Variants in DENND5B observed in about 807,000 individuals in gnomAD.
The protein encoded by DENND5B is DENN domain containing 5B.
In DENND5B, 34 loss-of-function variants were observed where a neutral mutation model predicts 140.6. That is an observed-to-expected ratio of 0.24 (90% CI 0.18 to 0.32). The LOEUF (loss-of-function observed/expected upper bound fraction) is 0.32. Ranked by LOEUF, DENND5B falls within the 10% of genes least tolerant of loss-of-function variation. DENND5B has a pLI of 1.00. For missense variants in DENND5B, 1,142 were observed against 1,560.2 expected (o/e 0.73, Z 4.52); for synonymous variants, 551 against 562.1 (o/e 0.98, Z 0.28).
At chr12:31,545,226 T>C (rs1423910998) in intron 1 of DENND5B, among the ~76,000 whole-genome samples, 1 of 152,204 alleles carries the variant, frequency 6.6e-6, no homozygotes, top group African/African-American at 2.4e-5. Flanking sequence ...CCTATTTATC[T>C]ATTTTTATTT....
intron 11 of DENND5B, among the ~76,000 whole-genome samples, chr12:31,421,632 C>G (rs1307468758): frequency 6.6e-6 from 1 of 152,176 alleles, no homozygotes; most frequent in Non-Finnish European, 1.5e-5. Context: ...TCACTGCAAC[C>G]TCTGCCTCCC....
At chr12:31,397,908 A>T (rs1283550768) in intron 17 of DENND5B, among the ~76,000 whole-genome samples, 1 of 152,210 alleles carries the variant, frequency 6.6e-6, no homozygotes, top group Non-Finnish European at 1.5e-5. Context: ...TGGGTAACAG[A>T]GTGAAACCTT....
At chr12:31,587,526 C>CTTTTTTTTTTT (rs71460995) in intron 1 of DENND5B, among the ~76,000 whole-genome samples, 2 of 74,948 alleles carry the variant, frequency 2.7e-5, no homozygotes, top group African/African-American at 4.8e-5. Flanking sequence ...CCACAAATAC[C>CTTTTTTTTTTT]TTTTTTTTTT....
chr12:31,461,929 T>C (rs927835820), intron 3 of DENND5B, among the ~76,000 whole-genome samples: 4 of 152,226 alleles, frequency 2.6e-5, no homozygotes, highest in Non-Finnish European at 4.4e-5. Context: ...TGACCAAGCA[T>C]AAACAGGATG....
intron 11 of DENND5B, among the ~76,000 whole-genome samples, chr12:31,419,475 TA>T (rs1942919784): frequency 6.6e-6 from 1 of 151,762 alleles, no homozygotes; most frequent in Non-Finnish European, 1.5e-5. Flanking sequence ...GAACACAAGT[TA>T]AACATTTTAT....
In DENND5B at chr12:31,383,496, G is replaced by C. The variant is rs1163823825; in HGVS notation, c.*4107C>G. 6.6e-6 allele frequency: 1 copy of C among 152,096 alleles called. No individual in the cohort carries two copies. The highest frequency in any genetic ancestry group is 1.5e-5 in the Non-Finnish European group (1 of 68,022). 9.4% of individuals were successfully genotyped at this position (152,096 alleles called of 1,614,324 possible). ...GTTCATTAAAATAATTTTTTAAAAA[G>C]CCATGTGAAAGTAAATACCACAAGG... On this transcript the variant is annotated 3_prime_UTR_variant, in exon 21 of 21. Transcript: ENST00000389082.
intron 4 of DENND5B, among the ~76,000 whole-genome samples, chr12:31,457,764 A>C (rs1486919976): frequency 6.6e-6 from 1 of 150,920 alleles, no homozygotes; most frequent in East Asian, 1.9e-4. Flanking sequence ...CCCAGGCTGG[A>C]GTGCAGTGAT....
At chr12:31,470,745 T>C (rs779184285) in intron 3 of DENND5B, among the ~76,000 whole-genome samples, 4 of 152,172 alleles carry the variant, frequency 2.6e-5, no homozygotes, top group Non-Finnish European at 5.9e-5. Flanking sequence ...GTATCACAAA[T>C]TGACAGGTGT....
chr12:31,572,332 C>A (rs556067376), intron 1 of DENND5B, among the ~76,000 whole-genome samples: 13 of 152,096 alleles, frequency 8.5e-5, no homozygotes, highest in Non-Finnish European at 1.6e-4. Flanking sequence ...AATGCCCCCA[C>A]GCAAACCAAA....
chr12:31,513,737 A>T (rs1180897121), intron 1 of DENND5B, among the ~76,000 whole-genome samples: 1 of 152,144 alleles, frequency 6.6e-6, no homozygotes, highest in Non-Finnish European at 1.5e-5. Flanking sequence ...CATTTCTAGA[A>T]ATCAGACATT....
chr12:31,465,067 T>C (rs1430491257), intron 3 of DENND5B: 1 of 152,294 alleles, frequency 6.6e-6, no homozygotes, highest in African/African-American at 2.4e-5. Flanking sequence ...GTGATGGCTC[T>C]GGCACAGATC....
At chr12:31,491,742 T>A (rs1458230038) in intron 2 of DENND5B, among the ~76,000 whole-genome samples, 1 of 152,236 alleles carries the variant, frequency 6.6e-6, no homozygotes, top group African/African-American at 2.4e-5. Flanking sequence ...ATTCAGGAAT[T>A]ATTTCACCTG....
At chr12:31,390,622 C>T (rs1471252804) in intron 19 of DENND5B, among the ~76,000 whole-genome samples, 8 of 150,786 alleles carry the variant, frequency 5.3e-5, no homozygotes, top group African/African-American at 9.8e-5. Context: ...GGCAACAGAG[C>T]GAGACTCCAT....
At chr12:31,486,609 C>T (rs902700202) in intron 2 of DENND5B, among the ~76,000 whole-genome samples, 2 of 152,158 alleles carry the variant, frequency 1.3e-5, no homozygotes, top group Admixed American at 1.3e-4. Flanking sequence ...AAACTGTATG[C>T]CCACAATACC....
intron 1 of DENND5B, among the ~76,000 whole-genome samples, chr12:31,572,161 T>G (rs1003198421): frequency 6.6e-6 from 1 of 151,448 alleles, no homozygotes; most frequent in African/African-American, 2.4e-5. Flanking sequence ...GAGGTGGAGG[T>G]TGTGGTGAGC....
chr12:31,437,380 G>A (rs1417912416), intron 7 of DENND5B, among the ~76,000 whole-genome samples: 1 of 151,696 alleles, frequency 6.6e-6, no homozygotes, highest in Non-Finnish European at 1.5e-5. Context: ...GTGATCCTCT[G>A]GCCTCGGCCT....
intron 13 of DENND5B, among the ~76,000 whole-genome samples, chr12:31,412,319 G>A (rs1425494668): frequency 6.6e-6 from 1 of 152,192 alleles, no homozygotes; most frequent in Non-Finnish European, 1.5e-5. Context: ...GTACTTGACT[G>A]GTTTCCCGGC....
intron 1 of DENND5B, chr12:31,541,084 A>C (rs1948669288): frequency 2.3e-6 from 1 of 442,174 alleles, no homozygotes; most frequent in African/African-American, 2.0e-5. Flanking sequence ...CTTAAATTTA[A>C]GACCTCAAAC....
At chr12:31,407,282 C>A (rs555132041) in intron 14 of DENND5B, among the ~76,000 whole-genome samples, 2 of 152,080 alleles carry the variant, frequency 1.3e-5, no homozygotes, top group African/African-American at 2.4e-5. Flanking sequence ...AGGCGCCCAC[C>A]ACCACACCCA....
Sources: gnomAD v4.1 joint callset for allele counts (sites outside exome capture counted in the v4.1 genomes callset) on GRCh38, gnomAD v4.1.1 for gene constraint, MANE v1.5 for transcripts, NCBI Gene and HGNC (gene_info 2026-07-23, HGNC 2026-07-21) for gene names.